Variants in BTAF1 observed in about 807,000 individuals in gnomAD.
BTAF1 encodes the protein TATA-binding protein-associated factor 172.
In BTAF1, 38 loss-of-function variants were observed where a neutral mutation model predicts 227.1. That is an observed-to-expected ratio of 0.17 (90% CI 0.13 to 0.22). The LOEUF (loss-of-function observed/expected upper bound fraction) is 0.22. Ranked by LOEUF, BTAF1 falls within the 10% of genes least tolerant of loss-of-function variation. The pLI, the probability that BTAF1 is intolerant of heterozygous loss-of-function variation, is 1.00. For synonymous variants in BTAF1, 742 were observed against 751.9 expected, an observed-to-expected ratio of 0.99 and a Z score of 0.21; for missense variants, 1,598 against 2,204.0, an observed-to-expected ratio of 0.73 and a Z score of 5.51.
intron 14 of BTAF1, among the ~76,000 whole-genome samples, chr10:91,977,187 C>T (rs1833042961): frequency 6.6e-6 from 1 of 152,038 alleles, no homozygotes; most frequent in Admixed American, 6.6e-5. Context: ...AGAAGTTTAA[C>T]CTTCATTTTC....
chr10:91,977,813 C>T (rs72823202), intron 14 of BTAF1, among the ~76,000 whole-genome samples: 4,970 of 152,224 alleles, frequency 0.033, 120 homozygotes, highest in Non-Finnish European at 0.052. Flanking sequence ...TTCCTGGCAA[C>T]ATACGATGTG....
chr10:91,942,552 C>G lies in BTAF1; in HGVS notation c.384C>G (p.Val128=). The change falls in exon 4 of 38, where the codon GTC becomes GTG. Residue 128 remains valine (V), a synonymous_variant. Transcript: ENST00000265990. ...GATCTGCTGGTGCCGAATTTGAAGT[C>G]CAAGATGAAAAATCAGGTCTGTAGT... is the stretch of plus-strand genomic sequence containing the variant. ...LLGSAGAEFE[V]QDEKSGEVDP... 1 of 1,613,538 alleles carries G rather than the reference C, an allele frequency of 6.2e-7. No homozygotes were observed. Among genetic ancestry groups the G allele is most frequent in the Non-Finnish European group, 8.5e-7 (1 of 1,179,836 alleles).
chr10:91,982,528 T>C, intron 17 of BTAF1, 59 bp from the exon 18 acceptor site: 1 of 1,516,942 alleles, frequency 6.6e-7, no homozygotes, highest in Non-Finnish European at 8.8e-7. Flanking sequence ...TTTCCCGAAG[T>C]ATGGGGAAAC....
chr10:92,011,250 C>T (rs752213495), intron 29 of BTAF1, 36 bp from the exon 30 acceptor site: 3 of 1,497,622 alleles, frequency 2.0e-6, no homozygotes, highest in South Asian at 1.3e-5. Context: ...TGACATACAG[C>T]AAAAGTTGTA....
intron 4 of BTAF1, among the ~76,000 whole-genome samples, chr10:91,942,859 C>A (rs544300213): frequency 6.6e-6 from 1 of 152,184 alleles, no homozygotes; most frequent in East Asian, 1.9e-4. Context: ...ATAAAGTGTT[C>A]CCCAAGAGCC....
At position 91,946,740 on chromosome 10, in the gene BTAF1, T is replaced by C. The variant is rs186075113; in HGVS notation, c.400+4172T>C. On this transcript the variant is annotated intron_variant, in intron 4 of 37. Transcript: ENST00000265990. Reference sequence around the variant, plus strand: ...ATTCATATAACTTGCACGTTTTTCATTGGGTTATTTGTCCTTTTATTATAA... The same window carrying C: ...ATTCATATAACTTGCACGTTTTTCACTGGGTTATTTGTCCTTTTATTATAA... Among the ~76,000 whole-genome samples, 270 of 152,356 alleles carry C rather than the reference T, an allele frequency of 1.8e-3. 1 individual carries two copies. Among genetic ancestry groups the C allele is most frequent in the African/African-American group, 6.2e-3 (257 of 41,590 alleles).
At chr10:91,931,985 G>A (rs1406103773) in intron 1 of BTAF1, among the ~76,000 whole-genome samples, 1 of 152,188 alleles carries the variant, frequency 6.6e-6, no homozygotes, top group African/African-American at 2.4e-5. Context: ...GAATGGATGA[G>A]AGAATGAGCT....
rs1394225649 is a variant in BTAF1 at position 91,934,989 on chromosome 10, A to G, written c.15-668A>G. ...CTTTGTACTTTTTTTCCTGCCATGT[A>G]TCTTATTGTACTTGACTTACCTGCT... On this transcript the variant is annotated intron_variant, in intron 1 of 37. Coordinates refer to ENST00000265990, the MANE Select transcript of BTAF1 (RefSeq NM_003972.3). Among the ~76,000 whole-genome samples the G allele has an allele frequency of 2.0e-5, 3 of 152,174 alleles. No individual in the cohort carries two copies. In the East Asian group the frequency reaches 5.8e-4, roughly 29 times the overall value.
intron 4 of BTAF1, among the ~76,000 whole-genome samples, chr10:91,949,236 C>T (rs1421336693): frequency 6.6e-6 from 1 of 152,138 alleles, no homozygotes; most frequent in African/African-American, 2.4e-5. Flanking sequence ...TTGCTTGAGT[C>T]TAGGTGGACA....
chr10:92,011,725 C>T (rs1427791858), intron 30 of BTAF1, among the ~76,000 whole-genome samples: 1 of 152,082 alleles, frequency 6.6e-6, no homozygotes, highest in African/African-American at 2.4e-5. Flanking sequence ...TAGTACACTG[C>T]AATCTGATTT....
chr10:92,028,925 C>G lies in BTAF1; in HGVS notation c.5542C>G (p.Leu1848Val). Reference sequence around the variant, plus strand: ...CAGCCTGGAAAATTTTATGCATTCTCTCAAGTAACTATCAAATATTGTAAA... The same window carrying G: ...CAGCCTGGAAAATTTTATGCATTCTGTCAAGTAACTATCAAATATTGTAAA... ...EYSLENFMHS[L>V]K The change falls in exon 38 of 38, where the codon CTC (leucine) becomes GTC (valine). Residue 1848 changes from leucine to valine, a missense_variant. By Grantham distance (32) the Leu-to-Val change is conservative (BLOSUM62 1). Transcript: ENST00000265990. The G allele has an allele frequency of 3.2e-6, 5 of 1,579,908 alleles. No individual in the cohort carries two copies. The highest frequency in any genetic ancestry group is 4.3e-6 in the Non-Finnish European group (5 of 1,166,820).
chr10:91,968,237 C>G (rs1467463487), intron 14 of BTAF1, among the ~76,000 whole-genome samples: 3 of 152,210 alleles, frequency 2.0e-5, no homozygotes, highest in Non-Finnish European at 4.4e-5. Context: ...TTAACAGCCA[C>G]TGATCTTTCT....
At chr10:91,989,701 G>A (rs1848618248) in intron 20 of BTAF1, 121 bp downstream of exon 20, 2 of 960,344 alleles carry the variant, frequency 2.1e-6, no homozygotes, top group Non-Finnish European at 3.0e-6. Flanking sequence ...CATTCTGAGA[G>A]AAAAGGCTTG....
chr10:91,957,361 A>G (rs1032854730), intron 8 of BTAF1, 68 bp downstream of exon 8: 1 of 1,304,652 alleles, frequency 7.7e-7, no homozygotes, highest in Non-Finnish European at 1.1e-6. Flanking sequence ...CAATGTCAAG[A>G]GCAATATACT....
In BTAF1 at chr10:91,984,417, A is replaced by G. The variant is rs1247198437; in HGVS notation, c.2427+13A>G. 6.3e-7 allele frequency: 1 copy of G among 1,586,034 alleles called. No homozygotes were observed. The highest frequency in any genetic ancestry group is 1.3e-5 in the African/African-American group (1 of 74,214). On this transcript the variant is annotated intron_variant, in intron 19 of 37. Transcript: ENST00000265990. ...AGCTAGTGACTTGGTGAGTAAAGAA[A>G]TAACTTTCTTAATTAGAGATAGAAC...
intron 28 of BTAF1, among the ~76,000 whole-genome samples, chr10:92,010,851 TCCA>T (rs1351005231): frequency 2.6e-5 from 4 of 152,206 alleles, no homozygotes; most frequent in Admixed American, 2.6e-4. Context: ...AGTTGAAATG[TCCA>T]CCATATTTTC....
intron 13 of BTAF1, among the ~76,000 whole-genome samples, chr10:91,964,815 C>A (rs1025269425): frequency 2.0e-5 from 3 of 152,060 alleles, no homozygotes; most frequent in South Asian, 2.1e-4. Context: ...TTTAGACTGG[C>A]CCTTGAATAT....
chr10:91,999,062 CAA>C (rs34831539), intron 25 of BTAF1, among the ~76,000 whole-genome samples: 90 of 115,338 alleles, frequency 7.8e-4, no homozygotes, highest in Admixed American at 1.3e-3. Flanking sequence ...GACTTCCTTT[CAA>C]AAAAAAAAAA....
chr10:91,927,284 A>G (rs919025292), intron 1 of BTAF1, among the ~76,000 whole-genome samples: 2 of 151,826 alleles, frequency 1.3e-5, no homozygotes, highest in Non-Finnish European at 2.9e-5. Context: ...GATTACAGGC[A>G]TGCACCACCA....
Sources: gnomAD v4.1 joint callset for allele counts (sites outside exome capture counted in the v4.1 genomes callset) on GRCh38, gnomAD v4.1.1 for gene constraint, MANE v1.5 for transcripts, NCBI Gene and HGNC (gene_info 2026-07-23, HGNC 2026-07-21) for gene names.